The following SEMA6D variants were observed in gnomAD, a reference collection of about 807,000 sequenced individuals.
SEMA6D encodes the protein semaphorin-6D.
SEMA6D carries 35 observed loss-of-function variants against 106.6 expected under a neutral mutation model. That is an observed-to-expected ratio of 0.33 (90% CI 0.25 to 0.44). The LOEUF (loss-of-function observed/expected upper bound fraction) is 0.44, where lower values mean the gene tolerates loss of function less well. SEMA6D is among the 20% of genes least tolerant of loss of function. The pLI, the probability that SEMA6D is intolerant of heterozygous loss-of-function variation, is 1.00. For synonymous variants in SEMA6D, 499 were observed against 487.7 expected, an observed-to-expected ratio of 1.02 and a Z score of -0.31; for missense variants, 1,185 against 1,345.9, an observed-to-expected ratio of 0.88 and a Z score of 1.87.
At chr15:47,327,341 C>A (rs972321273) in intron 1 of SEMA6D, among the ~76,000 whole-genome samples, 1 of 152,162 alleles carries the variant, frequency 6.6e-6, no homozygotes, top group Non-Finnish European at 1.5e-5. Flanking sequence ...AATAGTAGTT[C>A]TTTTCATTTC....
chr15:47,375,452 G>A (rs1046262706), intron 1 of SEMA6D, among the ~76,000 whole-genome samples: 29 of 151,794 alleles, frequency 1.9e-4, no homozygotes, highest in Non-Finnish European at 5.9e-5. Context: ...ATGTACCTCT[G>A]GTATGCTTAT....
At chr15:47,524,074 G>A (rs1159455106) in intron 3 of SEMA6D, among the ~76,000 whole-genome samples, 1 of 152,174 alleles carries the variant, frequency 6.6e-6, no homozygotes, top group Admixed American at 6.5e-5. Context: ...TAAATTATGT[G>A]CCCTGCTTCA....
At chr15:47,432,201 A>G (rs1441190098) in intron 2 of SEMA6D, among the ~76,000 whole-genome samples, 2 of 152,160 alleles carry the variant, frequency 1.3e-5, no homozygotes, top group African/African-American at 4.8e-5. Flanking sequence ...GGCAGGTCAG[A>G]CAATGTCCAT....
At chr15:47,222,926 GC>G (rs1165503168) in intron 1 of SEMA6D, among the ~76,000 whole-genome samples, 1 of 152,170 alleles carries the variant, frequency 6.6e-6, no homozygotes, top group Non-Finnish European at 1.5e-5. Context: ...AGAAGGGTTT[GC>G]TTTGTCAACA....
intron 3 of SEMA6D, among the ~76,000 whole-genome samples, chr15:47,598,422 A>G (rs935628101): frequency 6.6e-6 from 1 of 152,172 alleles, no homozygotes; most frequent in Non-Finnish European, 1.5e-5. Flanking sequence ...ATGATTGATT[A>G]TGATTAATTG....
At chr15:47,617,676 G>A (rs1483189102) in intron 4 of SEMA6D, among the ~76,000 whole-genome samples, 1 of 152,202 alleles carries the variant, frequency 6.6e-6, no homozygotes, top group Non-Finnish European at 1.5e-5. Context: ...TTAAATTCCT[G>A]TGTTTGGTTT....
intron 13 of SEMA6D, 44 bp downstream of exon 13, chr15:47,765,100 T>G: frequency 6.3e-7 from 1 of 1,594,556 alleles, no homozygotes; most frequent in Non-Finnish European, 8.6e-7. Flanking sequence ...TGCTCAAAAA[T>G]TTTCGGCATG....
In SEMA6D at chr15:47,443,004, C is replaced by G. The variant is rs112555481; in HGVS notation, c.-158-27470C>G. ...ACAGACAGGCAAATACTTCTCTAAC[C>G]AGGAGTAGTTTCAGATTATTACAAG... On this transcript the variant is annotated intron_variant, in intron 2 of 19. Transcript: ENST00000558014. Among the ~76,000 whole-genome samples, 1,349 of 152,158 alleles carry G rather than the reference C, an allele frequency of 8.9e-3. 13 individuals carry two copies. Among genetic ancestry groups the G allele is most frequent in the African/African-American group, 0.031 (1,296 of 41,516 alleles).
rs191773967 is a variant in SEMA6D, at chr15:47,456,780, A to G, written c.-158-13694A>G. ...GAGTTTCCAGGAAGGAGGATCTGAA[A>G]CAGATGGCGGTAGTCCCCCTGTAGT... is the stretch of plus-strand genomic sequence containing the variant. On this transcript the variant is annotated intron_variant, in intron 2 of 19. Transcript: ENST00000558014. 2.6e-5 allele frequency among the ~76,000 whole-genome samples: 4 copies of G among 152,134 alleles called. No homozygotes were observed. In the East Asian group the frequency reaches 7.7e-4, roughly 29 times the overall value.
intron 4 of SEMA6D, among the ~76,000 whole-genome samples, chr15:47,652,383 G>GATTAGTTCCTGCTAAT (rs1444966709): frequency 6.6e-6 from 1 of 152,134 alleles, no homozygotes; most frequent in Non-Finnish European, 1.5e-5. Context: ...TCCTGGAGGA[G>GATTAGTTCCTGCTAAT]CTCAAGGACA....
At chr15:47,267,876 T>A (rs2034393198) in intron 1 of SEMA6D, among the ~76,000 whole-genome samples, 1 of 152,012 alleles carries the variant, frequency 6.6e-6, no homozygotes, top group Non-Finnish European at 1.5e-5. Flanking sequence ...ACGTTACTTA[T>A]CTTTTTTTGT....
Position 47,581,972 on chromosome 15 carries a change from G to A in SEMA6D, c.-86-18893G>A, listed in dbSNP as rs561533392. Among the ~76,000 whole-genome samples, 8 of 152,258 alleles carry A rather than the reference G, an allele frequency of 5.3e-5. No individual in the cohort carries two copies. In the South Asian group the frequency reaches 1.7e-3, roughly 32 times the overall value. ...TTTGAACTCTGGGAAAGAGGATATC[G>A]ATTGGGAAATTTTCCCAGATTGTCC... On this transcript the variant is annotated intron_variant, in intron 3 of 19. Coordinates refer to the SEMA6D transcript ENST00000558014.
intron 1 of SEMA6D, among the ~76,000 whole-genome samples, chr15:47,339,488 G>A (rs1239285921): frequency 3.9e-5 from 6 of 152,302 alleles, no homozygotes; most frequent in Middle Eastern, 3.4e-3. Flanking sequence ...GTTGATGATC[G>A]TTGTTGTGGT....
intron 2 of SEMA6D, among the ~76,000 whole-genome samples, chr15:47,414,065 A>T (rs16959426): frequency 0.19 from 28,355 of 152,178 alleles, 2,977 homozygotes; most frequent in South Asian, 0.32. Context: ...AAATCTATTT[A>T]TGGAACAATG....
rs371179874 is a variant in SEMA6D, at chr15:47,687,892, G to A, written c.-54-71853G>A. Among the ~76,000 whole-genome samples, 3 of 152,058 alleles carry A rather than the reference G, an allele frequency of 2.0e-5. No homozygotes were observed. In the East Asian group the frequency reaches 5.8e-4, roughly 29 times the overall value. On this transcript the variant is annotated intron_variant, in intron 4 of 19. Coordinates refer to the SEMA6D transcript ENST00000558014. ...GTTTAGGGAGATGAAAATATTGGAG[G>A]AACAGCAGTTTAAAAAGAGAAAATA...
intron 3 of SEMA6D, among the ~76,000 whole-genome samples, chr15:47,558,407 A>C (rs2045975804): frequency 6.6e-6 from 1 of 152,124 alleles, no homozygotes. Flanking sequence ...GCAATGATTC[A>C]GGACAGAAAG....
At chr15:47,398,157 AT>A (rs2040280393) in intron 1 of SEMA6D, among the ~76,000 whole-genome samples, 1 of 152,128 alleles carries the variant, frequency 6.6e-6, no homozygotes, top group Admixed American at 6.5e-5. Flanking sequence ...ATGATTAAGA[AT>A]TTTTCCCTTC....
chr15:47,296,317 A>C (rs900228886), intron 1 of SEMA6D, among the ~76,000 whole-genome samples: 3 of 152,194 alleles, frequency 2.0e-5, no homozygotes, highest in African/African-American at 7.2e-5. Flanking sequence ...TCATCACAGC[A>C]TGCCTGCTTT....
chr15:47,227,438 T>TTTTCTTTCTTTC (rs2031781259), intron 1 of SEMA6D, among the ~76,000 whole-genome samples: 1 of 77,666 alleles, frequency 1.3e-5, no homozygotes, highest in Admixed American at 1.4e-4. Flanking sequence ...TCTTTCTTTC[T>TTTTCTTTCTTTC]TTTCTTTCTT....
Sources: allele counts gnomAD v4.1 joint callset (sites outside exome capture counted in the v4.1 genomes callset), GRCh38; gene constraint gnomAD v4.1.1; transcripts MANE v1.5; gene names NCBI Gene and HGNC (gene_info 2026-07-23, HGNC 2026-07-21).